Variants in GALNTL6 observed in about 807,000 individuals in gnomAD.
GALNTL6 encodes polypeptide N-acetylgalactosaminyltransferase-like 6.
Under a neutral mutation model 73.7 loss-of-function variants are expected in GALNTL6, and 46 were observed. The observed-to-expected ratio is 0.62, with a 90% confidence interval of 0.49 to 0.80. The LOEUF is 0.80. Among genes scored for constraint, GALNTL6 ranks in the 30% least tolerant of loss-of-function variants. The pLI, the probability that GALNTL6 is intolerant of heterozygous loss-of-function variation, is 0.00. For synonymous variants in GALNTL6, 259 were observed against 263.7 expected, an observed-to-expected ratio of 0.98 and a Z score of 0.17; for missense variants, 604 against 755.0, an observed-to-expected ratio of 0.80 and a Z score of 2.34.
At chr4:172,249,173 A>G (rs956697207) in intron 3 of GALNTL6, among the ~76,000 whole-genome samples, 1 of 152,288 alleles carries the variant, frequency 6.6e-6, no homozygotes, top group Admixed American at 6.5e-5. Context: ...ATGAACAATG[A>G]AGTCCAGGCT....
At chr4:172,041,466 C>A (rs1022149073) in intron 2 of GALNTL6, among the ~76,000 whole-genome samples, 2 of 151,858 alleles carry the variant, frequency 1.3e-5, no homozygotes, top group Admixed American at 6.6e-5. Context: ...TCATTGTGAA[C>A]CTTAGCATAA....
intron 7 of GALNTL6, among the ~76,000 whole-genome samples, chr4:172,876,194 T>C (rs1745185295): frequency 6.6e-6 from 1 of 152,230 alleles, no homozygotes; most frequent in Non-Finnish European, 1.5e-5. Flanking sequence ...TTCAATCTTA[T>C]AAAACCTTTT....
At chr4:172,412,313 A>T (rs986366710) in intron 5 of GALNTL6, among the ~76,000 whole-genome samples, 1 of 152,142 alleles carries the variant, frequency 6.6e-6, no homozygotes, top group Admixed American at 6.6e-5. Context: ...AAGTGCTGGG[A>T]TTACAGGGGT....
chr4:172,988,165 C>T (rs1002253102), intron 10 of GALNTL6, among the ~76,000 whole-genome samples: 1 of 152,094 alleles, frequency 6.6e-6, no homozygotes, highest in African/African-American at 2.4e-5. Flanking sequence ...ATTGTTGCAA[C>T]CAAAATGCCA....
intron 3 of GALNTL6, among the ~76,000 whole-genome samples, chr4:172,259,463 T>C (rs192450929): frequency 6.3e-4 from 95 of 151,370 alleles, no homozygotes; most frequent in African/African-American, 2.1e-3. Context: ...TTGTTTTTTT[T>C]TTTTCTTGCT....
At chr4:172,470,410 T>A (rs1733002414) in intron 5 of GALNTL6, among the ~76,000 whole-genome samples, 1 of 152,176 alleles carries the variant, frequency 6.6e-6, no homozygotes, top group Non-Finnish European at 1.5e-5. Flanking sequence ...CTCTTCACCA[T>A]CATAATGTGT....
At chr4:172,169,856 G>A (rs552222450) in intron 2 of GALNTL6, among the ~76,000 whole-genome samples, 37 of 152,174 alleles carry the variant, frequency 2.4e-4, no homozygotes, top group Non-Finnish European at 4.1e-4. Flanking sequence ...TTCAGAAGTC[G>A]TGGTAAGAAT....
intron 2 of GALNTL6, among the ~76,000 whole-genome samples, chr4:172,156,100 A>G (rs1196740994): frequency 7.1e-6 from 1 of 141,372 alleles, no homozygotes; most frequent in African/African-American, 2.7e-5. Flanking sequence ...TGAGGCCTAA[A>G]ATGGCGTCAG....
chr4:172,469,261 A>T (rs572198564), intron 5 of GALNTL6, among the ~76,000 whole-genome samples: 2 of 152,314 alleles, frequency 1.3e-5, no homozygotes, highest in East Asian at 3.9e-4. Context: ...ATTATCTTGG[A>T]AAGTCAGGCA....
At chr4:172,290,187 C>A (rs749205807) in intron 3 of GALNTL6, among the ~76,000 whole-genome samples, 3 of 116,854 alleles carry the variant, frequency 2.6e-5, no homozygotes, top group African/African-American at 8.3e-5. Context: ...TAATGAGTTC[C>A]TCTGAGACAA....
chr4:172,565,731 C>G (rs1338498352), intron 5 of GALNTL6, among the ~76,000 whole-genome samples: 3 of 140,798 alleles, frequency 2.1e-5, no homozygotes, highest in Non-Finnish European at 3.2e-5. Flanking sequence ...GCCATCTGAT[C>G]CTGAGCTTTT....
At chr4:172,552,870 A>C (rs531885870) in intron 5 of GALNTL6, among the ~76,000 whole-genome samples, 1 of 149,836 alleles carries the variant, frequency 6.7e-6, no homozygotes, top group African/African-American at 2.5e-5. Context: ...TAAAAACCGC[A>C]ATTACTTTTG....
intron 5 of GALNTL6, among the ~76,000 whole-genome samples, chr4:172,407,634 A>G (rs1365922962): frequency 6.6e-6 from 1 of 152,086 alleles, no homozygotes; most frequent in African/African-American, 2.4e-5. Flanking sequence ...GATTATGTCT[A>G]CACAACGAAA....
At chr4:172,912,521 C>A (rs2111266355) in intron 8 of GALNTL6, among the ~76,000 whole-genome samples, 1 of 152,356 alleles carries the variant, frequency 6.6e-6, no homozygotes, top group African/African-American at 2.4e-5. Context: ...CACCCTAATA[C>A]TGCGCTTTTC....
At chr4:172,860,789 A>G (rs1219457999) in intron 7 of GALNTL6, among the ~76,000 whole-genome samples, 1 of 152,212 alleles carries the variant, frequency 6.6e-6, no homozygotes, top group Non-Finnish European at 1.5e-5. Context: ...AATGATGCTT[A>G]AATCACTGGC....
rs551952547 is a variant in GALNTL6 at position 172,298,757 on chromosome 4, A to G, written c.248-12857A>G. Among the ~76,000 whole-genome samples the G allele has an allele frequency of 3.3e-5, 5 of 152,142 alleles. No individual in the cohort carries two copies. In the East Asian group the frequency reaches 5.8e-4, roughly 18 times the overall value. On this transcript the variant is annotated intron_variant, in intron 3 of 12. Coordinates refer to ENST00000506823, the MANE Select transcript of GALNTL6 (RefSeq NM_001034845.3). ...GGATAAGCTTTTTGATGTGCTGCTGAATTCGGTTTGCCACTATTTTATTGA... is the reference window on the plus strand; with the variant it reads ...GGATAAGCTTTTTGATGTGCTGCTGGATTCGGTTTGCCACTATTTTATTGA...
chr4:172,789,409 T>C (rs538774162), intron 5 of GALNTL6, among the ~76,000 whole-genome samples: 20 of 152,342 alleles, frequency 1.3e-4, no homozygotes, highest in Middle Eastern at 6.8e-3. Flanking sequence ...TATTATGAGA[T>C]TTTTTTGCAA....
intron 2 of GALNTL6, among the ~76,000 whole-genome samples, chr4:171,821,109 C>T (rs1469219245): frequency 3.3e-5 from 5 of 152,090 alleles, no homozygotes; most frequent in Admixed American, 3.3e-4. Context: ...AACTGTAACT[C>T]GCTGCAGCCT....
At chr4:172,277,072 TTGTC>T (rs920428491) in intron 3 of GALNTL6, among the ~76,000 whole-genome samples, 7 of 152,104 alleles carry the variant, frequency 4.6e-5, no homozygotes, top group Non-Finnish European at 1.0e-4. Flanking sequence ...TGACACCTCT[TTGTC>T]TATCTCTTAA....
Sources: gnomAD v4.1 joint callset for allele counts (sites outside exome capture counted in the v4.1 genomes callset) on GRCh38, gnomAD v4.1.1 for gene constraint, MANE v1.5 for transcripts, NCBI Gene and HGNC (gene_info 2026-07-23, HGNC 2026-07-21) for gene names.